Variants in SPMIP2 observed in about 807,000 individuals in gnomAD.
SPMIP2 encodes the protein protein SPMIP2.
the SPMIP2 span, among the ~76,000 whole-genome samples, chr4:158,984,897 A>C: frequency 6.6e-6 from 1 of 152,004 alleles, no homozygotes; most frequent in Non-Finnish European, 1.5e-5. Context: ...AAGACTAATA[A>C]ATAAAAAAAG....
chr4:158,910,269 AT>A, the SPMIP2 span, among the ~76,000 whole-genome samples: 440 of 149,242 alleles, frequency 2.9e-3, 1 homozygote, highest in Admixed American at 6.8e-3. Flanking sequence ...CTGTGCAGGT[AT>A]TTTTTTTTTC....
At chr4:158,898,216 T>A in the SPMIP2 span, among the ~76,000 whole-genome samples, 4 of 152,212 alleles carry the variant, frequency 2.6e-5, no homozygotes, top group Admixed American at 6.5e-5. Flanking sequence ...TTGGTACCAA[T>A]ACCGTGCTGT....
At chr4:158,939,810 G>A in the SPMIP2 span, among the ~76,000 whole-genome samples, 2 of 150,724 alleles carry the variant, frequency 1.3e-5, no homozygotes, top group Admixed American at 1.3e-4. Flanking sequence ...CTGCACTCCA[G>A]CCTGGGTGAC....
chr4:158,907,317 G>C, the SPMIP2 span: 6 of 151,968 alleles, frequency 3.9e-5, no homozygotes, highest in Admixed American at 3.3e-4. Flanking sequence ...TCCATTTTTC[G>C]AAGTGTGCTG....
chr4:158,973,278 A>G, the SPMIP2 span: 4 of 1,613,558 alleles, frequency 2.5e-6, no homozygotes, highest in Non-Finnish European at 3.4e-6. Flanking sequence ...GTGCTGATGA[A>G]TTTTGGGTAA....
At chr4:159,007,893 TATGGTAATTACATAATAACAATGTA>T in the SPMIP2 span, 1 of 470,952 alleles carries the variant, frequency 2.1e-6, no homozygotes, top group Non-Finnish European at 4.2e-6. Context: ...AAAAAAAGAA[TATGGTAATTACATAATAACAATGTA>T]GTTATCAGTA....
the SPMIP2 span, chr4:158,893,619 G>T: frequency 1.6e-6 from 2 of 1,235,074 alleles, no homozygotes; most frequent in South Asian, 1.3e-5. Context: ...AAGCACTTGT[G>T]GATTATTATG....
chr4:159,007,975 G>A, the SPMIP2 span: 36 of 368,372 alleles, frequency 9.8e-5, no homozygotes, highest in South Asian at 4.8e-4. Context: ...AGTGGCATGC[G>A]CCTGTAGTCC....
the SPMIP2 span, among the ~76,000 whole-genome samples, chr4:158,899,431 C>G: frequency 6.6e-6 from 1 of 152,112 alleles, no homozygotes; most frequent in Non-Finnish European, 1.5e-5. Context: ...AGGAATGGTA[C>G]CAGCTCCTGT....
the SPMIP2 span, among the ~76,000 whole-genome samples, chr4:159,037,787 C>T: frequency 8.2e-3 from 335 of 40,960 alleles, no homozygotes; most frequent in South Asian, 0.033. Flanking sequence ...ACAATATATA[C>T]ACACACACAC....
the SPMIP2 span, among the ~76,000 whole-genome samples, chr4:158,952,530 T>C: frequency 6.6e-6 from 1 of 152,184 alleles, no homozygotes; most frequent in African/African-American, 2.4e-5. Flanking sequence ...TGTGTCTTTA[T>C]CAGCAGCATG....
chr4:158,939,870 T>A, the SPMIP2 span, among the ~76,000 whole-genome samples: 1 of 152,210 alleles, frequency 6.6e-6, no homozygotes, highest in East Asian at 1.9e-4. Flanking sequence ...TCCTTTATTC[T>A]ATAAAATTTT....
chr4:158,933,950 G>A, the SPMIP2 span, among the ~76,000 whole-genome samples: 1 of 152,104 alleles, frequency 6.6e-6, no homozygotes, highest in East Asian at 1.9e-4. Context: ...ACATCTCATA[G>A]CTGGTAATAC....
At chr4:159,061,368 C>G in the SPMIP2 span, among the ~76,000 whole-genome samples, 1 of 152,016 alleles carries the variant, frequency 6.6e-6, no homozygotes, top group Non-Finnish European at 1.5e-5. Flanking sequence ...AACACATGTA[C>G]TTGCCTTACC....
At chr4:158,967,312 C>T in the SPMIP2 span, among the ~76,000 whole-genome samples, 70 of 152,194 alleles carry the variant, frequency 4.6e-4, no homozygotes, top group East Asian at 1.3e-3. Flanking sequence ...ATATTTCTCC[C>T]GCCTCACAGA....
chr4:159,032,186 C>A, the SPMIP2 span, among the ~76,000 whole-genome samples: 1 of 152,036 alleles, frequency 6.6e-6, no homozygotes, highest in Admixed American at 6.5e-5. Context: ...CATACCACTG[C>A]ACTCCAGCCT....
the SPMIP2 span, among the ~76,000 whole-genome samples, chr4:159,003,719 G>C: frequency 2.0e-5 from 3 of 152,194 alleles, no homozygotes; most frequent in South Asian, 4.1e-4. Context: ...TTCCACAAAA[G>C]AGAGCTTTAA....
chr4:159,063,255 T>C, the SPMIP2 span, among the ~76,000 whole-genome samples: 1 of 152,132 alleles, frequency 6.6e-6, no homozygotes, highest in Admixed American at 6.6e-5. Flanking sequence ...GCTCACTGTG[T>C]TCTAAAAACA....
the SPMIP2 span, among the ~76,000 whole-genome samples, chr4:159,048,788 C>CT: frequency 7.9e-6 from 1 of 126,956 alleles, no homozygotes; most frequent in East Asian, 2.3e-4. Flanking sequence ...AGGTTGGACT[C>CT]TAACTTCTAG....
Sources: allele counts gnomAD v4.1 joint callset (sites outside exome capture counted in the v4.1 genomes callset), GRCh38; gene constraint gnomAD v4.1.1; transcripts MANE v1.5; gene names NCBI Gene and HGNC (gene_info 2026-07-23, HGNC 2026-07-21).